Variants in SH3RF3 observed in about 807,000 individuals in gnomAD.
The protein encoded by SH3RF3 is SH3 domain containing ring finger 3.
In SH3RF3, 29 loss-of-function variants were observed where a neutral mutation model predicts 66.3. The observed-to-expected ratio is 0.44, with a 90% CI of 0.33 to 0.60. The LOEUF is 0.60. SH3RF3 is among the 20% of genes least tolerant of loss of function. SH3RF3 has a pLI of 0.04. For missense variants in SH3RF3, 1,194 were observed against 1,190.9 expected, an observed-to-expected ratio of 1.00 and a Z score of -0.04; for synonymous variants, 583 against 532.0, an observed-to-expected ratio of 1.10 and a Z score of -1.32.
At chr2:109,440,085 T>C (rs1677519542) in intron 7 of SH3RF3, among the ~76,000 whole-genome samples, 1 of 152,222 alleles carries the variant, frequency 6.6e-6, no homozygotes, top group African/African-American at 2.4e-5. Flanking sequence ...GCATGAGCAA[T>C]GGCCTGGCAA....
Position 109,371,689 on chromosome 2 carries a change from C to T in SH3RF3, c.945+8C>T, listed in dbSNP as rs370696409. The T allele has an allele frequency of 1.7e-5, 27 of 1,612,176 alleles. No individual in the cohort carries two copies. Among genetic ancestry groups the T allele is most frequent in the African/African-American group, 1.6e-4 (12 of 74,896 alleles). On this transcript the variant is annotated splice_region_variant and intron_variant, in intron 3 of 9. Coordinates refer to ENST00000309415, the MANE Select transcript of SH3RF3 (RefSeq NM_001099289.3). ...CCGCTCCTGTACGTGGAGGTAAGAC[C>T]GTGCCGCCCTCCCACACTTGGCTCC...
chr2:109,369,781 A>G (rs1319946380), intron 2 of SH3RF3, among the ~76,000 whole-genome samples: 1 of 151,560 alleles, frequency 6.6e-6, no homozygotes, highest in African/African-American at 2.4e-5. Flanking sequence ...TGGACACCAA[A>G]CCCTACGGCC....
At chr2:109,466,072 C>CTTTTTTTTTTTTTTTTTTTT (rs1171998206) in intron 8 of SH3RF3, among the ~76,000 whole-genome samples, 3 of 82,334 alleles carry the variant, frequency 3.6e-5, no homozygotes, top group Non-Finnish European at 6.7e-5. Context: ...ACCTGTACAT[C>CTTTTTTTTTTTTTTTTTTTT]TTTTTTTTTT....
chr2:109,413,721 A>T (rs1039682701), intron 4 of SH3RF3, among the ~76,000 whole-genome samples: 1 of 152,174 alleles, frequency 6.6e-6, no homozygotes, highest in African/African-American at 2.4e-5. Context: ...TAGACATGTC[A>T]TGAGGGCCAT....
At chr2:109,373,434 G>A (rs896365823) in intron 3 of SH3RF3, among the ~76,000 whole-genome samples, 12 of 152,228 alleles carry the variant, frequency 7.9e-5, no homozygotes, top group African/African-American at 2.9e-4. Context: ...GATGGCTGAG[G>A]AAAATGCAGT....
chr2:109,391,177 G>T (rs544215759), intron 3 of SH3RF3, among the ~76,000 whole-genome samples: 4 of 152,204 alleles, frequency 2.6e-5, no homozygotes, highest in African/African-American at 7.2e-5. Flanking sequence ...CAGGCTTTAC[G>T]TGCAAAATTA....
intron 1 of SH3RF3, among the ~76,000 whole-genome samples, chr2:109,160,338 G>A (rs1558932724): frequency 6.6e-6 from 1 of 152,218 alleles, no homozygotes; most frequent in Non-Finnish European, 1.5e-5. Flanking sequence ...CCCATGCTTT[G>A]TTGGGTGAGA....
chr2:109,479,115 G>A (rs1026206398), intron 8 of SH3RF3, among the ~76,000 whole-genome samples: 9 of 152,150 alleles, frequency 5.9e-5, no homozygotes, highest in Admixed American at 1.3e-4. Context: ...ACTTCTCAAC[G>A]TGGACAGCAT....
intron 1 of SH3RF3, among the ~76,000 whole-genome samples, chr2:109,302,543 G>C (rs1365909122): frequency 1.3e-5 from 2 of 152,240 alleles, no homozygotes; most frequent in Non-Finnish European, 2.9e-5. Flanking sequence ...GGAGCTTGGG[G>C]ACCAGGCCAG....
chr2:109,487,094 C>T (rs1190448382), intron 8 of SH3RF3, among the ~76,000 whole-genome samples: 1 of 152,206 alleles, frequency 6.6e-6, no homozygotes, highest in Non-Finnish European at 1.5e-5. Context: ...GAAAACGTAA[C>T]AGGGATGCCA....
intron 1 of SH3RF3, among the ~76,000 whole-genome samples, chr2:109,316,237 G>A (rs897284928): frequency 6.6e-6 from 1 of 152,214 alleles, no homozygotes; most frequent in Non-Finnish European, 1.5e-5. Context: ...TCTCGCAGCA[G>A]ATCTGCACAG....
chr2:109,136,043 G>A (rs1415578885), intron 1 of SH3RF3, among the ~76,000 whole-genome samples: 1 of 152,162 alleles, frequency 6.6e-6, no homozygotes, highest in Non-Finnish European at 1.5e-5. Flanking sequence ...GCTGCTTGCT[G>A]TGATGGAGCT....
intron 8 of SH3RF3, among the ~76,000 whole-genome samples, chr2:109,486,764 G>A (rs1057272366): frequency 3.3e-5 from 5 of 152,286 alleles, no homozygotes; most frequent in Middle Eastern, 3.4e-3. Context: ...GAGGGCACTG[G>A]GTGGTGGGGA....
intron 1 of SH3RF3, among the ~76,000 whole-genome samples, chr2:109,274,585 T>A (rs1680706933): frequency 6.6e-6 from 1 of 152,124 alleles, no homozygotes; most frequent in African/African-American, 2.4e-5. Flanking sequence ...AATAGGTAAA[T>A]CCATGGAAAC....
At chr2:109,356,419 C>A (rs1682945173) in intron 2 of SH3RF3, among the ~76,000 whole-genome samples, 1 of 152,216 alleles carries the variant, frequency 6.6e-6, no homozygotes, top group African/African-American at 2.4e-5. Flanking sequence ...ATGGCAGGGT[C>A]CACTGCTCAT....
At chr2:109,178,030 G>T (rs1410672469) in intron 1 of SH3RF3, among the ~76,000 whole-genome samples, 1 of 152,130 alleles carries the variant, frequency 6.6e-6, no homozygotes, top group Middle Eastern at 3.2e-3. Context: ...TCTCCCAATT[G>T]TTCAAGTATG....
At chr2:109,281,244 G>T (rs1213983449) in intron 1 of SH3RF3, among the ~76,000 whole-genome samples, 1 of 152,244 alleles carries the variant, frequency 6.6e-6, no homozygotes, top group Non-Finnish European at 1.5e-5. Flanking sequence ...ACACTTAGGG[G>T]CACAAACACA....
chr2:109,243,680 G>A (rs1471494101), intron 1 of SH3RF3, among the ~76,000 whole-genome samples: 42 of 152,224 alleles, frequency 2.8e-4, no homozygotes. Context: ...GGAGGCAAAG[G>A]TCGGGGACAA....
intron 1 of SH3RF3, among the ~76,000 whole-genome samples, chr2:109,161,688 A>T (rs1194367545): frequency 2.0e-5 from 3 of 151,894 alleles, no homozygotes; most frequent in Non-Finnish European, 4.4e-5. Context: ...TGCAGAGATC[A>T]TACAGTGAGA....
Sources: gnomAD v4.1 joint callset for allele counts (sites outside exome capture counted in the v4.1 genomes callset) on GRCh38, gnomAD v4.1.1 for gene constraint, MANE v1.5 for transcripts, NCBI Gene and HGNC (gene_info 2026-07-23, HGNC 2026-07-21) for gene names.